Variants in FAAH2 observed in about 807,000 individuals in gnomAD.
FAAH2 encodes fatty-acid amide hydrolase 2.
Under a neutral mutation model 36.9 loss-of-function variants are expected in FAAH2, and 60 were observed. The ratio of observed to expected loss-of-function variants is 1.63; its 90% CI spans 1.32 to 2.02. The LOEUF (loss-of-function observed/expected upper bound fraction) is 2.02. Ranked by LOEUF, FAAH2 falls within the 30% of genes most tolerant of loss-of-function variation. The pLI, the probability that FAAH2 is intolerant of heterozygous loss-of-function variation, is 0.00. For synonymous variants in FAAH2, 214 were observed against 143.8 expected, an observed-to-expected ratio of 1.49 and a Z score of -3.49; for missense variants, 689 against 397.5, an observed-to-expected ratio of 1.73 and a Z score of -6.23.
chrX:57,264,161 G>C, the FAAH2 span, among the ~76,000 whole-genome samples: 1 of 111,724 alleles, frequency 9.0e-6, no homozygotes. Context: ...TGTTGACAAA[G>C]AGTTCTTAGA....
At chrX:57,195,398 C>T in the FAAH2 span, among the ~76,000 whole-genome samples, 1 of 111,752 alleles carries the variant, frequency 8.9e-6, no homozygotes. Context: ...GACCATTTGT[C>T]TGTCTTCTTT....
At chrX:57,328,089 T>A (rs2053274256) in intron 3 of FAAH2, among the ~76,000 whole-genome samples, 1 of 112,076 alleles carries the variant, frequency 8.9e-6, no homozygotes, top group African/African-American at 3.2e-5. Flanking sequence ...TCTGTTGGAG[T>A]TTGCTGGAGG....
At chrX:57,431,505 C>G (rs1659861764) in intron 7 of FAAH2, among the ~76,000 whole-genome samples, 1 of 111,489 alleles carries the variant, frequency 9.0e-6, no homozygotes, top group South Asian at 3.8e-4. Flanking sequence ...ACAACAGTCC[C>G]TCAGACTGTC....
chrX:57,442,112 A>G (rs949091844), intron 8 of FAAH2, among the ~76,000 whole-genome samples: 2 of 111,356 alleles, frequency 1.8e-5, no homozygotes, highest in African/African-American at 6.6e-5. Context: ...AGTTCTGTAG[A>G]TGTCTATTAG....
chrX:57,320,580 A>G (rs1383732205), intron 3 of FAAH2, among the ~76,000 whole-genome samples: 6 of 112,550 alleles, frequency 5.3e-5, no homozygotes, highest in African/African-American at 1.9e-4. Context: ...GGGAGTGTAA[A>G]TTAGTTCAAT....
chrX:57,322,494 G>T (rs2053060088), intron 3 of FAAH2, among the ~76,000 whole-genome samples: 1 of 111,178 alleles, frequency 9.0e-6, no homozygotes, highest in African/African-American at 3.3e-5. Flanking sequence ...ACCTTCTCAT[G>T]AAGCATTTTG....
chrX:57,278,527 C>G, the FAAH2 span, among the ~76,000 whole-genome samples: 2 of 111,231 alleles, frequency 1.8e-5, no homozygotes, highest in Non-Finnish European at 3.8e-5. Flanking sequence ...TGGGCAAGGA[C>G]TTCATGACTA....
intron 8 of FAAH2, among the ~76,000 whole-genome samples, chrX:57,439,488 G>T (rs1478996919): frequency 9.0e-6 from 1 of 111,589 alleles, no homozygotes; most frequent in East Asian, 2.8e-4. Context: ...GTCCATTGTA[G>T]ATTCTGGATA....
the FAAH2 span, among the ~76,000 whole-genome samples, chrX:57,158,311 G>A: frequency 3.0e-4 from 34 of 112,105 alleles, no homozygotes; most frequent in Middle Eastern, 0.019. Flanking sequence ...ATTAACATAC[G>A]TGTGCATGTG....
At chrX:57,194,502 T>G in the FAAH2 span, among the ~76,000 whole-genome samples, 3 of 111,916 alleles carry the variant, frequency 2.7e-5, no homozygotes, top group African/African-American at 9.7e-5. Context: ...TTTTATTTAT[T>G]TCTTCTCTAA....
At chrX:57,243,403 G>A in the FAAH2 span, among the ~76,000 whole-genome samples, 1 of 112,338 alleles carries the variant, frequency 8.9e-6, no homozygotes, top group South Asian at 3.7e-4. Context: ...CTCTGCTAGG[G>A]ACAGACTGCC....
chrX:57,255,126 C>T, the FAAH2 span, among the ~76,000 whole-genome samples: 11 of 111,732 alleles, frequency 9.8e-5, no homozygotes, highest in African/African-American at 3.6e-4. Flanking sequence ...TACAAACTAC[C>T]ATAAGAGAAT....
chrX:57,208,762 G>A, the FAAH2 span, among the ~76,000 whole-genome samples: 1 of 111,885 alleles, frequency 8.9e-6, no homozygotes, highest in Non-Finnish European at 1.9e-5. Flanking sequence ...ATTCCTTATG[G>A]GAAACAAAGG....
At chrX:57,259,811 G>T in the FAAH2 span, among the ~76,000 whole-genome samples, 1 of 111,692 alleles carries the variant, frequency 9.0e-6, no homozygotes, top group African/African-American at 3.2e-5. Flanking sequence ...AATGAAATTT[G>T]TATTTGTTCA....
At chrX:57,274,038 A>G in the FAAH2 span, among the ~76,000 whole-genome samples, 1 of 111,660 alleles carries the variant, frequency 9.0e-6, no homozygotes, top group African/African-American at 3.3e-5. Context: ...AAGAAAAGAG[A>G]GAAGAATCAA....
the FAAH2 span, among the ~76,000 whole-genome samples, chrX:57,125,205 T>G: frequency 1.8e-5 from 2 of 113,107 alleles, no homozygotes; most frequent in East Asian, 2.8e-4. Context: ...TTGAGAGTTT[T>G]TAGCACGAAG....
chrX:57,202,949 C>G, the FAAH2 span, among the ~76,000 whole-genome samples: 4 of 112,038 alleles, frequency 3.6e-5, no homozygotes, highest in Non-Finnish European at 5.6e-5. Flanking sequence ...TTTTGCCAGA[C>G]TAACACTATT....
intron 10 of FAAH2, among the ~76,000 whole-genome samples, chrX:57,485,041 T>A (rs1008563658): frequency 8.9e-6 from 1 of 111,888 alleles, no homozygotes; most frequent in African/African-American, 3.2e-5. Context: ...CAAGAGGCTC[T>A]GGGCTGCAGC....
At chrX:57,427,600 C>T (rs1304000641) in intron 7 of FAAH2, among the ~76,000 whole-genome samples, 2 of 111,557 alleles carry the variant, frequency 1.8e-5, no homozygotes, top group Non-Finnish European at 3.8e-5. Context: ...GATGGTTCAA[C>T]ATACACAAAT....
Sources: gnomAD v4.1 joint callset for allele counts (sites outside exome capture counted in the v4.1 genomes callset) on GRCh38, gnomAD v4.1.1 for gene constraint, MANE v1.5 for transcripts, NCBI Gene and HGNC (gene_info 2026-07-23, HGNC 2026-07-21) for gene names.